FAAH2: variants seen among roughly 807,000 people sequenced by gnomAD.
The protein encoded by FAAH2 is fatty acid amide hydrolase 2, also known as fatty-acid amide hydrolase 2.
FAAH2 carries 60 observed loss-of-function variants against 36.9 expected under a neutral mutation model. That is an observed-to-expected ratio of 1.63 (90% CI 1.32 to 2.02). The LOEUF is 2.02. Among genes scored for constraint, FAAH2 ranks in the 30% most tolerant of loss-of-function variants. The pLI, the probability that FAAH2 is intolerant of heterozygous loss-of-function variation, is 0.00. For synonymous variants in FAAH2, 214 were observed against 143.8 expected (o/e 1.49, Z -3.49); for missense variants, 689 against 397.5 (o/e 1.73, Z -6.23).
chrX:57,325,722 C>A (rs1229657204), intron 3 of FAAH2, among the ~76,000 whole-genome samples: 1 of 71,870 alleles, frequency 1.4e-5, no homozygotes, highest in African/African-American at 5.4e-5. Flanking sequence ...ATTGATTATT[C>A]TCTTTTTTCT....
the FAAH2 span, among the ~76,000 whole-genome samples, chrX:57,162,561 T>C: frequency 2.2e-4 from 24 of 111,605 alleles, no homozygotes; most frequent in African/African-American, 7.5e-4. Flanking sequence ...TGCTCATTTC[T>C]TTTTATTCTT....
the FAAH2 span, among the ~76,000 whole-genome samples, chrX:57,167,586 G>A: frequency 1.9e-4 from 21 of 110,731 alleles, 1 homozygote; most frequent in East Asian, 5.1e-3. Context: ...TGTCTTTTCA[G>A]CAGAGAAAGG....
Position 57,488,792 on chromosome X carries a change from T to C in FAAH2, c.1459T>C (p.Cys487Arg). 3 of 1,211,279 alleles carry C rather than the reference T, an allele frequency of 2.5e-6. No homozygotes were observed. The highest frequency in any genetic ancestry group is 3.4e-6 in the Non-Finnish European group (3 of 895,330). The change falls in exon 11 of 11, where the codon TGC becomes CGC. Residue 487 changes from cysteine to arginine, a missense_variant. Cys to Arg is a radical substitution (Grantham distance 180, BLOSUM62 -3). Coordinates refer to ENST00000374900, the MANE Select transcript of FAAH2 (RefSeq NM_174912.4). ...FSALGLPVTQ[C>R]PLGLNAKGLP... ...TGCCCTGGGTTTGCCTGTGACCCAA[T>C]GCCCACTGGGACTGAATGCCAAAGG...
At chrX:57,250,603 C>T in the FAAH2 span, among the ~76,000 whole-genome samples, 2 of 110,332 alleles carry the variant, frequency 1.8e-5, no homozygotes, top group South Asian at 3.8e-4. Flanking sequence ...TTTTAAGACA[C>T]CATGTTATAC....
chrX:57,461,490 A>C (rs2056957191), intron 10 of FAAH2, among the ~76,000 whole-genome samples: 1 of 111,974 alleles, frequency 8.9e-6, no homozygotes, highest in Non-Finnish European at 1.9e-5. Context: ...ACTCAGGATT[A>C]AGAAACTCAC....
At chrX:57,442,656 T>C (rs894546091) in intron 8 of FAAH2, among the ~76,000 whole-genome samples, 4 of 112,159 alleles carry the variant, frequency 3.6e-5, no homozygotes, top group Non-Finnish European at 7.5e-5. Flanking sequence ...GTCATTATGA[T>C]GTTAACTGGT....
At position 57,359,537 on chromosome X, in the gene FAAH2, T is replaced by G. The variant is rs750688277; in HGVS notation, c.742+18147T>G. 1.9e-4 allele frequency among the ~76,000 whole-genome samples: 21 copies of G among 111,823 alleles called. No homozygotes were observed. In the South Asian group the frequency reaches 7.8e-3, roughly 41 times the overall value. On this transcript the variant is annotated intron_variant, in intron 5 of 10. Transcript: ENST00000374900. ...CACTGCACCTGTCCCAAATAATATA[T>G]ATTTTAGCTGACAACAAATTAACTT...
chrX:57,171,747 CAGA>C, the FAAH2 span, among the ~76,000 whole-genome samples: 3 of 111,664 alleles, frequency 2.7e-5, no homozygotes, highest in African/African-American at 9.8e-5. Flanking sequence ...TTTTGCTGAG[CAGA>C]AGATTTTTAG....
chrX:57,257,051 T>C, the FAAH2 span, among the ~76,000 whole-genome samples: 1 of 112,001 alleles, frequency 8.9e-6, no homozygotes. Flanking sequence ...CAACAGATGC[T>C]GGAGAGGTGT....
At chrX:57,283,731 G>A (rs2051775604), upstream of FAAH2, among the ~76,000 whole-genome samples, 1 of 111,546 alleles carries the variant, frequency 9.0e-6, no homozygotes, top group African/African-American at 3.3e-5. Context: ...GCGTGCTGGA[G>A]GCTCCAGTGT....
chrX:57,179,731 A>T, the FAAH2 span, among the ~76,000 whole-genome samples: 1 of 111,779 alleles, frequency 8.9e-6, no homozygotes, highest in Non-Finnish European at 1.9e-5. Flanking sequence ...ATTAACAAAG[A>T]TATTCAGGAC....
At chrX:57,398,608 G>A (rs1226893854) in intron 7 of FAAH2, among the ~76,000 whole-genome samples, 1 of 110,265 alleles carries the variant, frequency 9.1e-6, no homozygotes, top group East Asian at 2.8e-4. Flanking sequence ...TAAAATGGGA[G>A]GTGACCCAAA....
At chrX:57,348,560 CT>C (rs1328879566) in intron 5 of FAAH2, among the ~76,000 whole-genome samples, 1 of 111,235 alleles carries the variant, frequency 9.0e-6, no homozygotes, top group East Asian at 2.9e-4. Context: ...ATGCTCTTAG[CT>C]ACCACTGTGA....
At chrX:57,373,139 G>T (rs2054592659) in intron 5 of FAAH2, among the ~76,000 whole-genome samples, 1 of 111,365 alleles carries the variant, frequency 9.0e-6, no homozygotes, top group African/African-American at 3.3e-5. Context: ...GACTGATGGG[G>T]ATTTGGGCTG....
chrX:57,364,674 C>T (rs1215303811), intron 5 of FAAH2, among the ~76,000 whole-genome samples: 1 of 110,151 alleles, frequency 9.1e-6, no homozygotes, highest in Admixed American at 9.7e-5. Flanking sequence ...TTTCTAATTT[C>T]TTGATGTAGT....
At chrX:57,180,662 G>A in the FAAH2 span, among the ~76,000 whole-genome samples, 1 of 110,914 alleles carries the variant, frequency 9.0e-6, no homozygotes, top group East Asian at 2.8e-4. Flanking sequence ...ACAACAGAAA[G>A]CCCAGGATCA....
rs758505261 is a variant in FAAH2, at chrX:57,331,722, G to A, written c.537G>A (p.Leu179=). The change falls in exon 4 of 11, where the codon TTG becomes TTA. Residue 179 remains leucine (L), a synonymous_variant. Transcript: ENST00000374900. ...TTGGCATAACCAACTGTAGTGAGTT[G>A]TGTATGTGGTATGAATCCAGTAACA... ...IPLGITNCSE[L]CMWYESSNKI... is the part of the protein sequence containing the mutation. 4.1e-6 allele frequency: 5 copies of A among 1,211,273 alleles called. No individual in the cohort carries two copies. The highest frequency in any genetic ancestry group is 1.8e-5 in the South Asian group (1 of 56,958).
chrX:57,151,925 G>A, the FAAH2 span, among the ~76,000 whole-genome samples: 4 of 111,576 alleles, frequency 3.6e-5, no homozygotes, highest in Admixed American at 3.8e-4. Context: ...CTGACGTACA[G>A]ATGGGTTTTT....
At chrX:57,233,648 G>A in the FAAH2 span, among the ~76,000 whole-genome samples, 25 of 111,530 alleles carry the variant, frequency 2.2e-4, no homozygotes, top group Non-Finnish European at 4.3e-4. Context: ...GTTTTCTTTT[G>A]TTTTGTTTTT....
Sources: gnomAD v4.1 joint callset for allele counts (sites outside exome capture counted in the v4.1 genomes callset) on GRCh38, gnomAD v4.1.1 for gene constraint, MANE v1.5 for transcripts, NCBI Gene and HGNC (gene_info 2026-07-23, HGNC 2026-07-21) for gene names.